The following CNTNAP2 variants were observed in gnomAD, a reference collection of about 807,000 sequenced individuals.
The protein encoded by CNTNAP2 is contactin associated protein 2.
In CNTNAP2, 98 loss-of-function variants were observed where a neutral mutation model predicts 155.2. That is an observed-to-expected ratio of 0.63 (90% CI 0.54 to 0.75). CNTNAP2 has a LOEUF of 0.75. Among genes scored for constraint, CNTNAP2 ranks in the 30% least tolerant of loss-of-function variants. The pLI, the probability that CNTNAP2 is intolerant of heterozygous loss-of-function variation, is 0.00. For missense variants in CNTNAP2, 1,727 were observed against 1,688.1 expected, an observed-to-expected ratio of 1.02 and a Z score of -0.40; for synonymous variants, 651 against 631.2, an observed-to-expected ratio of 1.03 and a Z score of -0.47.
intron 13 of CNTNAP2, among the ~76,000 whole-genome samples, chr7:147,876,184 C>T (rs142739914): frequency 4.5e-4 from 68 of 152,316 alleles, no homozygotes; most frequent in Middle Eastern, 3.4e-3. Context: ...CTCCCTGTCT[C>T]TCTGTCCTGC....
chr7:148,332,262 G>C (rs1798040623), intron 21 of CNTNAP2, among the ~76,000 whole-genome samples: 1 of 151,718 alleles, frequency 6.6e-6, no homozygotes. Context: ...GTAGAGCATT[G>C]AATAGATGTA....
At chr7:148,235,525 C>A (rs1168148915) in intron 20 of CNTNAP2, among the ~76,000 whole-genome samples, 1 of 152,134 alleles carries the variant, frequency 6.6e-6, no homozygotes, top group African/African-American at 2.4e-5. Flanking sequence ...CCACCAACTT[C>A]CCTGCTTCCC....
intron 12 of CNTNAP2, among the ~76,000 whole-genome samples, chr7:147,618,496 T>A (rs955861434): frequency 2.0e-5 from 3 of 152,034 alleles, no homozygotes; most frequent in Admixed American, 2.0e-4. Context: ...AAATAATACT[T>A]AGCTGCAAAT....
chr7:147,786,381 G>C (rs777559332), intron 13 of CNTNAP2, among the ~76,000 whole-genome samples: 3 of 152,226 alleles, frequency 2.0e-5, no homozygotes, highest in Non-Finnish European at 4.4e-5. Context: ...GGGTCTGGGA[G>C]GTTGGAGATG....
intron 1 of CNTNAP2, among the ~76,000 whole-genome samples, chr7:146,259,339 T>C (rs1799885680): frequency 6.6e-6 from 1 of 152,082 alleles, no homozygotes; most frequent in Non-Finnish European, 1.5e-5. Flanking sequence ...ACTTTGGAAC[T>C]GGGTAACAGG....
intron 21 of CNTNAP2, among the ~76,000 whole-genome samples, chr7:148,379,469 C>T (rs1044178032): frequency 6.6e-5 from 10 of 151,940 alleles, no homozygotes; most frequent in African/African-American, 1.9e-4. Context: ...TCTGGGAGGC[C>T]GAGGTGGGTG....
At chr7:147,156,604 C>T (rs1801930399) in intron 8 of CNTNAP2, among the ~76,000 whole-genome samples, 1 of 152,094 alleles carries the variant, frequency 6.6e-6, no homozygotes, top group Admixed American at 6.6e-5. Context: ...GTCATCTCAT[C>T]TGAGTCTTAA....
intron 4 of CNTNAP2, among the ~76,000 whole-genome samples, chr7:147,094,183 C>A (rs560507207): frequency 6.6e-6 from 1 of 152,150 alleles, no homozygotes; most frequent in Non-Finnish European, 1.5e-5. Context: ...TTCCTGAGTT[C>A]TGCAACTTCC....
At chr7:147,716,656 C>A (rs185325614) in intron 13 of CNTNAP2, among the ~76,000 whole-genome samples, 2 of 152,120 alleles carry the variant, frequency 1.3e-5, no homozygotes, top group African/African-American at 2.4e-5. Context: ...CGGCATCCCC[C>A]GTGCAAGCTT....
chr7:147,414,022 AT>A (rs1797145510), intron 10 of CNTNAP2, among the ~76,000 whole-genome samples: 1 of 152,210 alleles, frequency 6.6e-6, no homozygotes, highest in South Asian at 2.1e-4. Context: ...TCAAAGCTTT[AT>A]GTACTTCTGT....
In CNTNAP2 at chr7:148,219,591, A is replaced by G. The variant is rs138052692; in HGVS notation, c.3247+2067A>G. Among the ~76,000 whole-genome samples the G allele has an allele frequency of 1.8e-3, 268 of 152,262 alleles. 1 individual carries two copies. The highest frequency in any genetic ancestry group is 3.1e-3 in the Non-Finnish European group (211 of 68,018). On this transcript the variant is annotated intron_variant, in intron 19 of 23. Transcript: ENST00000361727. ...GCACACTTGTGGTCTCAGCTGCTCA[A>G]AAGGCTGAGGCAGGATGATTGCTTG...
chr7:147,863,374 G>A (rs534585511), intron 13 of CNTNAP2, among the ~76,000 whole-genome samples: 4 of 152,284 alleles, frequency 2.6e-5, no homozygotes, highest in African/African-American at 9.6e-5. Context: ...ATTGTGAAGA[G>A]TGCCACAATA....
chr7:146,268,612 C>T (rs771713097), intron 1 of CNTNAP2, among the ~76,000 whole-genome samples: 3 of 151,948 alleles, frequency 2.0e-5, no homozygotes, highest in African/African-American at 7.3e-5. Flanking sequence ...ACCACCAAAA[C>T]AGCTCCTGAG....
At chr7:147,353,754 C>G (rs1433664967) in intron 9 of CNTNAP2, among the ~76,000 whole-genome samples, 1 of 152,104 alleles carries the variant, frequency 6.6e-6, no homozygotes, top group African/African-American at 2.4e-5. Context: ...CTAATTTACA[C>G]TCCCACCAAC....
chr7:147,338,193 G>GAA (rs1795697332), intron 9 of CNTNAP2, among the ~76,000 whole-genome samples: 1 of 152,144 alleles, frequency 6.6e-6, no homozygotes. Context: ...AGGAGAGAGA[G>GAA]AATGAATGCC....
chr7:148,359,461 T>C (rs944338550), intron 21 of CNTNAP2, among the ~76,000 whole-genome samples: 1 of 152,250 alleles, frequency 6.6e-6, no homozygotes, highest in African/African-American at 2.4e-5. Context: ...TCTGCTCTTA[T>C]ATCCAGAGTG....
chr7:148,302,459 G>C (rs1005139731), intron 21 of CNTNAP2, among the ~76,000 whole-genome samples: 9 of 152,194 alleles, frequency 5.9e-5, no homozygotes, highest in Admixed American at 5.9e-4. Context: ...GCCTCCCAAA[G>C]CTGCACCCAT....
At chr7:146,203,562 C>T (rs1336242725) in intron 1 of CNTNAP2, among the ~76,000 whole-genome samples, 1 of 152,134 alleles carries the variant, frequency 6.6e-6, no homozygotes, top group East Asian at 1.9e-4. Flanking sequence ...TCTTTGAACA[C>T]TTCTTTTTGG....
At chr7:146,141,223 C>A (rs1390480176) in intron 1 of CNTNAP2, among the ~76,000 whole-genome samples, 1 of 152,112 alleles carries the variant, frequency 6.6e-6, no homozygotes. Context: ...CTACATTTGT[C>A]GTTGTTATAT....
Sources: gnomAD v4.1 joint callset for allele counts (sites outside exome capture counted in the v4.1 genomes callset) on GRCh38, gnomAD v4.1.1 for gene constraint, MANE v1.5 for transcripts, NCBI Gene and HGNC (gene_info 2026-07-23, HGNC 2026-07-21) for gene names.